The following ANKRD29 variants were observed in gnomAD, a reference collection of about 807,000 sequenced individuals.
The protein encoded by ANKRD29 is ankyrin repeat domain 29.
Under a neutral mutation model 38.0 loss-of-function variants are expected in ANKRD29, and 32 were observed. That is an observed-to-expected ratio of 0.84 (90% confidence interval 0.64 to 1.13). The LOEUF (loss-of-function observed/expected upper bound fraction) is 1.13. Among genes scored for constraint, ANKRD29 ranks in the 50% most tolerant of loss-of-function variants. ANKRD29 has a pLI of 0.00. For synonymous variants in ANKRD29, 135 were observed against 152.4 expected, an observed-to-expected ratio of 0.89 and a Z score of 0.84; for missense variants, 357 against 377.9, an observed-to-expected ratio of 0.94 and a Z score of 0.46.
intron 8 of ANKRD29, among the ~76,000 whole-genome samples, chr18:23,612,461 T>C (rs1295602921): frequency 2.0e-5 from 3 of 152,240 alleles, no homozygotes; most frequent in African/African-American, 7.2e-5. Flanking sequence ...TCACTCAGTC[T>C]GTTTTACATA....
chr18:23,631,886 C>A, intron 5 of ANKRD29, among the ~76,000 whole-genome samples: 1 of 152,204 alleles, frequency 6.6e-6, no homozygotes. Flanking sequence ...ACAACATTCG[C>A]AGCGCAGGGT....
chr18:23,661,870 C>T (rs910376845), intron 1 of ANKRD29, among the ~76,000 whole-genome samples: 1 of 152,174 alleles, frequency 6.6e-6, no homozygotes, highest in African/African-American at 2.4e-5. Flanking sequence ...GCACATCTCG[C>T]CATGTCACTC....
chr18:23,649,109 G>A lies in ANKRD29; in HGVS notation c.106C>T (p.Arg36Trp), dbSNP rs148112986. The A allele has an allele frequency of 8.1e-5, 130 of 1,613,950 alleles. No individual in the cohort carries two copies. Among genetic ancestry groups the A allele is most frequent in the Non-Finnish European group, 1.0e-4 (118 of 1,179,988 alleles). ...ALLKLLLNSGRVDVDCRDSHG... is the reference protein window; with the variant it reads ...ALLKLLLNSGWVDVDCRDSHG... Reference sequence around the variant, plus strand: ...CTGTCTCTGCAGTCCACGTCCACCCGGCCGCTGTTCAACAGCAGCTTCAGC... The same window carrying A: ...CTGTCTCTGCAGTCCACGTCCACCCAGCCGCTGTTCAACAGCAGCTTCAGC... Residue 36 changes from arginine (R) to tryptophan (W), a missense_variant, in exon 2 of 10, where the codon CGG (arginine) becomes TGG (tryptophan). Arg to Trp is a moderately radical substitution (Grantham distance 101). Coordinates refer to ENST00000592179, the MANE Select transcript of ANKRD29 (RefSeq NM_173505.4).
In ANKRD29 at chr18:23,648,928, T is replaced by C. The variant is rs188591689; in HGVS notation, c.132+155A>G. The C allele has an allele frequency of 8.8e-5, 53 of 599,528 alleles. No individual in the cohort carries two copies. The Admixed American group carries it at 1.5e-3, about 17-fold the overall frequency. The allele number at this position is 599,528 out of a possible 1,614,324, so 37.1% of individuals were successfully genotyped here. On this transcript the variant is annotated intron_variant, in intron 2 of 9. Transcript: ENST00000592179. ...GACTTCCCCCAGCATGTTTTTAAGTTCACCACAGTACCTTGGATGTTTTAA... is the reference window on the plus strand; with the variant it reads ...GACTTCCCCCAGCATGTTTTTAAGTCCACCACAGTACCTTGGATGTTTTAA...
At chr18:23,643,069 C>T (rs932328065) in intron 3 of ANKRD29, among the ~76,000 whole-genome samples, 2 of 152,180 alleles carry the variant, frequency 1.3e-5, no homozygotes, top group African/African-American at 4.8e-5. Context: ...TGCTATCTGA[C>T]AATCTCTTTT....
intron 6 of ANKRD29, among the ~76,000 whole-genome samples, chr18:23,620,334 T>C (rs1394750216): frequency 2.6e-5 from 4 of 152,166 alleles, no homozygotes; most frequent in African/African-American, 7.2e-5. Context: ...GGGGAATATT[T>C]CCTCTGCGTA....
chr18:23,634,279 T>TTTTG, intron 4 of ANKRD29, 130 bp from the exon 5 acceptor site: 2 of 26,846 alleles, frequency 7.4e-5, no homozygotes, highest in South Asian at 2.1e-3. Flanking sequence ...ACTTTCCCTG[T>TTTTG]TTTTTTTTTT....
At chr18:23,648,851 C>T (rs1047925487) in intron 2 of ANKRD29, 5 of 447,568 alleles carry the variant, frequency 1.1e-5, no homozygotes, top group Non-Finnish European at 1.6e-5. Flanking sequence ...TGCCTCTTTC[C>T]CTATTGTGGT....
intron 6 of ANKRD29, among the ~76,000 whole-genome samples, chr18:23,624,104 TA>T (rs908261809): frequency 5.3e-5 from 8 of 152,096 alleles, no homozygotes; most frequent in African/African-American, 1.9e-4. Flanking sequence ...TATACTTTGA[TA>T]TTTTTAATAC....
In ANKRD29 at chr18:23,632,529, G is replaced by GTATATATATATATATATA. The variant is rs1319966480; in HGVS notation, c.429+1521_429+1522insTATATATATATATATATA. On this transcript the variant is annotated intron_variant, in intron 5 of 9. Coordinates refer to ENST00000592179, the MANE Select transcript of ANKRD29 (RefSeq NM_173505.4). Reference sequence around the variant, plus strand: ...TTTCCTATTCAGTGTGTGTGTGTGTGTGTGTATATATATATATATTACACA... The same window carrying GTATATATATATATATATA: ...TTTCCTATTCAGTGTGTGTGTGTGTGTATATATATATATATATATGTGTATATATATATATATTACACA... Among the ~76,000 whole-genome samples the GTATATATATATATATATA allele has an allele frequency of 9.7e-3, 660 of 67,936 alleles. 4 individuals carry two copies. The highest frequency in any genetic ancestry group is 0.071 in the Middle Eastern group (8 of 112). The allele number at this position is 67,936 out of a possible 152,430, so 44.6% of individuals were successfully genotyped here. A position where few individuals can be genotyped will look rare whatever the true frequency, so the allele number is the denominator to read the frequency against.
intron 4 of ANKRD29, 81 bp downstream of exon 4, chr18:23,638,768 G>T: frequency 9.0e-7 from 1 of 1,107,518 alleles, no homozygotes; most frequent in Non-Finnish European, 1.3e-6. Flanking sequence ...ACATAAATTC[G>T]TACCATAGAT....
At chr18:23,647,199 T>C (rs899560189) in intron 2 of ANKRD29, 6 of 152,214 alleles carry the variant, frequency 3.9e-5, no homozygotes, top group Non-Finnish European at 8.8e-5. Flanking sequence ...GACAGTATGA[T>C]CTTGGGCACA....
rs972844589 is a variant in ANKRD29, at chr18:23,601,172, C to G, written c.*54G>C. The G allele has an allele frequency of 1.0e-4, 153 of 1,514,120 alleles. No homozygotes were observed. Among genetic ancestry groups the G allele is most frequent in the Middle Eastern group, 7.1e-4 (4 of 5,654 alleles). 93.8% of individuals were successfully genotyped at this position (1,514,120 alleles called of 1,614,324 possible). A position where few individuals can be genotyped will look rare whatever the true frequency, so the allele number is the denominator to read the frequency against. Reference sequence around the variant, plus strand: ...TCCAACACTGCTTGAAATGCAATTTCTTTTTGGACAATGTGGTTAAGCTTT... The same window carrying G: ...TCCAACACTGCTTGAAATGCAATTTGTTTTTGGACAATGTGGTTAAGCTTT... On this transcript the variant is annotated 3_prime_UTR_variant, in exon 10 of 10. Coordinates refer to ENST00000592179, the MANE Select transcript of ANKRD29 (RefSeq NM_173505.4).
intron 6 of ANKRD29, among the ~76,000 whole-genome samples, chr18:23,626,116 C>T (rs556944332): frequency 3.3e-5 from 5 of 152,306 alleles, no homozygotes; most frequent in South Asian, 4.1e-4. Context: ...CAGGATTCTA[C>T]GCTAATCTTT....
intron 9 of ANKRD29, among the ~76,000 whole-genome samples, chr18:23,611,141 G>T: frequency 6.6e-6 from 1 of 152,234 alleles, no homozygotes; most frequent in East Asian, 1.9e-4. Flanking sequence ...AATTGTAAAT[G>T]AAGAATTTAG....
intron 8 of ANKRD29, among the ~76,000 whole-genome samples, chr18:23,616,578 G>GTATATATATATACTATATATACAGTA (rs2059723213): frequency 7.5e-6 from 1 of 133,036 alleles, no homozygotes; most frequent in African/African-American, 2.8e-5. Flanking sequence ...TATATATACA[G>GTATATATATATACTATATATACAGTA]TATATATATA....
At chr18:23,619,721 A>G (rs1357359113) in intron 6 of ANKRD29, 92 bp from the exon 7 acceptor site, 1 of 1,098,528 alleles carries the variant, frequency 9.1e-7, no homozygotes, top group Non-Finnish European at 1.3e-6. Flanking sequence ...CTGAAAGCGA[A>G]AACTCCGGGA....
intron 6 of ANKRD29, among the ~76,000 whole-genome samples, chr18:23,626,078 T>G (rs2059858661): frequency 6.6e-6 from 1 of 152,206 alleles, no homozygotes; most frequent in South Asian, 2.1e-4. Flanking sequence ...GGACTTCCTA[T>G]GGCTGTCTGT....
At chr18:23,623,452 A>G (rs1020225093) in intron 6 of ANKRD29, among the ~76,000 whole-genome samples, 1 of 151,660 alleles carries the variant, frequency 6.6e-6, no homozygotes, top group African/African-American at 2.4e-5. Flanking sequence ...GTTTTCTCTT[A>G]TTTTTTCCTT....
Sources: gnomAD v4.1 joint callset for allele counts (sites outside exome capture counted in the v4.1 genomes callset) on GRCh38, gnomAD v4.1.1 for gene constraint, MANE v1.5 for transcripts, NCBI Gene and HGNC (gene_info 2026-07-23, HGNC 2026-07-21) for gene names.